The following CCL28 variants were observed in gnomAD, a reference collection of about 807,000 sequenced individuals.
CCL28 encodes the protein C-C motif chemokine ligand 28, also known as C-C motif chemokine 28.
CCL28 carries 4 observed loss-of-function variants against 7.1 expected under a neutral mutation model. That is an observed-to-expected ratio of 0.56 (90% CI 0.28 to 1.29). The LOEUF is 1.29. Among genes scored for constraint, CCL28 ranks in the 50% most tolerant of loss-of-function variants. The pLI is 0.11. For synonymous variants in CCL28, 55 were observed against 57.8 expected (o/e 0.95, Z 0.22); for missense variants, 151 against 163.4 (o/e 0.92, Z 0.41).
chr5:43,411,315 A>G (rs1741529318), intron 1 of CCL28, among the ~76,000 whole-genome samples: 1 of 152,226 alleles, frequency 6.6e-6, no homozygotes, highest in South Asian at 2.1e-4. Context: ...TTGGTCAAGT[A>G]TTAAGTACTG....
chr5:43,359,627 C>T, the CCL28 span, among the ~76,000 whole-genome samples: 1 of 152,142 alleles, frequency 6.6e-6, no homozygotes, highest in South Asian at 2.1e-4. Flanking sequence ...GATTTGGGGG[C>T]CTGTTCCCAA....
chr5:43,407,190 C>T (rs1741317297), intron 1 of CCL28, among the ~76,000 whole-genome samples: 1 of 152,142 alleles, frequency 6.6e-6, no homozygotes, highest in African/African-American at 2.4e-5. Flanking sequence ...CCAAGACAAT[C>T]CTAAGCAAAA....
intron 2 of CCL28, among the ~76,000 whole-genome samples, chr5:43,387,233 A>C (rs1390237553): frequency 1.3e-5 from 2 of 152,180 alleles, no homozygotes; most frequent in East Asian, 1.9e-4. Flanking sequence ...AGTGTTCTGA[A>C]CTAAGAGACC....
At chr5:43,394,341 G>A (rs527560801) in intron 1 of CCL28, among the ~76,000 whole-genome samples, 34 of 152,254 alleles carry the variant, frequency 2.2e-4, no homozygotes, top group African/African-American at 7.9e-4. Flanking sequence ...TTTAGAATCA[G>A]TTTGCTTAGT....
At chr5:43,411,135 A>G (rs1160999761) in intron 1 of CCL28, among the ~76,000 whole-genome samples, 1 of 152,180 alleles carries the variant, frequency 6.6e-6, no homozygotes, top group Non-Finnish European at 1.5e-5. Flanking sequence ...TTTAAAATCC[A>G]ATTTGTATGT....
the CCL28 span, among the ~76,000 whole-genome samples, chr5:43,359,172 G>T: frequency 2.0e-5 from 3 of 152,114 alleles, no homozygotes; most frequent in Admixed American, 6.6e-5. Flanking sequence ...CTAACCCAGC[G>T]GTGCTAGAAG....
chr5:43,402,924 G>A (rs188371879), intron 1 of CCL28, among the ~76,000 whole-genome samples: 1 of 152,344 alleles, frequency 6.6e-6, no homozygotes, highest in East Asian at 1.9e-4. Context: ...TAGCACAGCG[G>A]TCTGAGATTG....
chr5:43,357,579 A>T, the CCL28 span, among the ~76,000 whole-genome samples: 2 of 152,096 alleles, frequency 1.3e-5, no homozygotes, highest in Non-Finnish European at 2.9e-5. Flanking sequence ...CAAGCTCCCA[A>T]ATTCTTCTCC....
chr5:43,361,895 T>G, the CCL28 span, among the ~76,000 whole-genome samples: 1 of 152,226 alleles, frequency 6.6e-6, no homozygotes, highest in East Asian at 1.9e-4. Flanking sequence ...TTTCAGTTAT[T>G]GTAGCCGTGT....
At chr5:43,388,223 T>C in intron 2 of CCL28, 127 bp downstream of exon 2, 1 of 1,221,102 alleles carries the variant, frequency 8.2e-7, no homozygotes, top group Non-Finnish European at 1.1e-6. Flanking sequence ...GAATATTTAC[T>C]CTTCCCTCCC....
the CCL28 span, among the ~76,000 whole-genome samples, chr5:43,369,036 AAG>A: frequency 0.064 from 6,639 of 103,774 alleles, 256 homozygotes; most frequent in Non-Finnish European, 0.088. Flanking sequence ...GAAAGAGAGA[AAG>A]AGAGAGAGAG....
chr5:43,369,306 A>G, the CCL28 span, among the ~76,000 whole-genome samples: 2 of 152,360 alleles, frequency 1.3e-5, no homozygotes, highest in African/African-American at 4.8e-5. Flanking sequence ...TAGTATACCT[A>G]AAGCTGATCT....
chr5:43,373,293 C>T (rs182892348), downstream of CCL28, among the ~76,000 whole-genome samples: 28 of 152,016 alleles, frequency 1.8e-4, no homozygotes, highest in South Asian at 6.2e-4. Context: ...TCCTTACTAA[C>T]GCTTGATTTT....
intron 1 of CCL28, among the ~76,000 whole-genome samples, chr5:43,411,866 A>G (rs745663663): frequency 6.6e-6 from 1 of 152,242 alleles, no homozygotes; most frequent in African/African-American, 2.4e-5. Context: ...AGGAATGTGC[A>G]CAGTTGTGTT....
chr5:43,367,234 A>T, the CCL28 span, among the ~76,000 whole-genome samples: 1 of 152,274 alleles, frequency 6.6e-6, no homozygotes, highest in African/African-American at 2.4e-5. Context: ...TTTCCAGGGT[A>T]GTGAACAGTT....
intron 2 of CCL28, chr5:43,384,096 G>GA (rs550379491): frequency 4.6e-5 from 7 of 153,802 alleles, no homozygotes; most frequent in Non-Finnish European, 7.3e-5. Flanking sequence ...GTCTCAAAAA[G>GA]AAAAAAAAGA....
At position 43,412,355 on chromosome 5, in the gene CCL28, A is replaced by G; in HGVS notation, c.-39T>C. On this transcript the variant is annotated 5_prime_UTR_variant, in exon 1 of 3. Transcript: ENST00000361115. ...ACTGGCACTGACAGCAACACAAGTGAGGCTGTTCGATCAGGAAATGAGGCT... is the reference window on the plus strand; with the variant it reads ...ACTGGCACTGACAGCAACACAAGTGGGGCTGTTCGATCAGGAAATGAGGCT... 6.3e-7 allele frequency: 1 copy of G among 1,577,814 alleles called. No individual in the cohort carries two copies. The highest frequency in any genetic ancestry group is 8.7e-7 in the Non-Finnish European group (1 of 1,151,394).
chr5:43,408,046 T>C (rs965343122), intron 1 of CCL28, among the ~76,000 whole-genome samples: 11 of 152,218 alleles, frequency 7.2e-5, no homozygotes, highest in African/African-American at 2.7e-4. Context: ...TTAGTGGGAC[T>C]CTAAACTAGT....
At chr5:43,358,001 A>G in the CCL28 span, among the ~76,000 whole-genome samples, 1 of 152,156 alleles carries the variant, frequency 6.6e-6, no homozygotes, top group Non-Finnish European at 1.5e-5. Context: ...AATGACCCAC[A>G]TTAACTTGCT....
Sources: allele counts gnomAD v4.1 joint callset (sites outside exome capture counted in the v4.1 genomes callset), GRCh38; gene constraint gnomAD v4.1.1; transcripts MANE v1.5; gene names NCBI Gene and HGNC (gene_info 2026-07-23, HGNC 2026-07-21).